The following ABR variants were observed in gnomAD, a reference collection of about 807,000 sequenced individuals.
ABR encodes active breakpoint cluster region-related protein.
A neutral mutation model predicts 107.2 loss-of-function variants in ABR; 35 were observed. The observed-to-expected ratio is 0.33, with a 90% CI of 0.25 to 0.43. The LOEUF is 0.43. ABR is among the 20% of genes least tolerant of loss of function. ABR has a pLI of 1.00. For missense variants in ABR, 815 were observed against 1,115.2 expected, an observed-to-expected ratio of 0.73 and a Z score of 3.83; for synonymous variants, 498 against 462.0, an observed-to-expected ratio of 1.08 and a Z score of -1.00.
chr17:1,081,101 C>A (rs533557416), intron 5 of ABR, among the ~76,000 whole-genome samples: 16 of 152,204 alleles, frequency 1.1e-4, no homozygotes, highest in African/African-American at 3.9e-4. Flanking sequence ...AAGAGAAGAC[C>A]CCACACTCTC....
chr17:1,067,622 C>T (rs1042949116), intron 9 of ABR, among the ~76,000 whole-genome samples: 16 of 152,210 alleles, frequency 1.1e-4, no homozygotes, highest in Non-Finnish European at 1.9e-4. Flanking sequence ...GTTCAATATC[C>T]TTCAGGCTAG....
Position 1,175,747 on chromosome 17 carries a change from C to A in ABR, c.61+3920G>T, listed in dbSNP as rs374499954. Among the ~76,000 whole-genome samples, 4 of 152,182 alleles carry A rather than the reference C, an allele frequency of 2.6e-5. No homozygotes were observed. In the East Asian group the frequency reaches 7.7e-4, roughly 29 times the overall value. On this transcript the variant is annotated intron_variant, in intron 1 of 22. Transcript: ENST00000302538. ...ACCAAACCTGTGATGGAAGTGGGCACACTCCTCCTGTCAAAACCAGAAAGA... is the reference window on the plus strand; with the variant it reads ...ACCAAACCTGTGATGGAAGTGGGCAAACTCCTCCTGTCAAAACCAGAAAGA...
chr17:1,147,086 C>T (rs553680166), intron 1 of ABR, among the ~76,000 whole-genome samples: 1 of 152,392 alleles, frequency 6.6e-6, no homozygotes, highest in South Asian at 2.1e-4. Context: ...TGGGCAGGGC[C>T]AGGTGCTCAG....
chr17:1,216,918 C>T (rs544849356), intron 1 of ABR, among the ~76,000 whole-genome samples: 3 of 152,260 alleles, frequency 2.0e-5, no homozygotes, highest in African/African-American at 7.2e-5. Context: ...TGAGGACAGG[C>T]GTGGGGGGAT....
intron 10 of ABR, among the ~76,000 whole-genome samples, chr17:1,062,330 T>G (rs2034076300): frequency 6.7e-6 from 1 of 148,584 alleles, no homozygotes; most frequent in African/African-American, 2.5e-5. Context: ...TGTTGTTATG[T>G]GAACTGAGGG....
upstream of ABR, among the ~76,000 whole-genome samples, chr17:1,189,868 G>A (rs1431374432): frequency 1.3e-5 from 2 of 152,100 alleles, no homozygotes; most frequent in Non-Finnish European, 2.9e-5. Context: ...GTAACCCCAG[G>A]ACCTTGCACA....
intron 16 of ABR, among the ~76,000 whole-genome samples, chr17:1,030,415 G>A (rs1003325993): frequency 2.6e-5 from 4 of 152,238 alleles, no homozygotes; most frequent in African/African-American, 9.6e-5. Context: ...GGGAGGGGAT[G>A]AGTCCACGCT....
intron 1 of ABR, among the ~76,000 whole-genome samples, chr17:1,132,920 C>T (rs2151475113): frequency 6.6e-6 from 1 of 152,234 alleles, no homozygotes; most frequent in Non-Finnish European, 1.5e-5. Context: ...CATAGGTACT[C>T]ACAGAAACTC....
intron 16 of ABR, among the ~76,000 whole-genome samples, chr17:1,040,402 G>A (rs371055026): frequency 2.0e-5 from 3 of 152,180 alleles, no homozygotes; most frequent in African/African-American, 4.8e-5. Flanking sequence ...CCTTGTTTCC[G>A]ACCACACCAG....
chr17:1,072,715 G>C lies in ABR; in HGVS notation c.793C>G (p.Pro265Ala), dbSNP rs769587173. ...KHTPVDHPDY[P>A]LLQDALRISQ... ...ATGCGGAGGGCATCCTGCAGCAGCGGGTAGTCGGGGTGGTCCACAGGTGTG... is the reference window on the plus strand; with the variant it reads ...ATGCGGAGGGCATCCTGCAGCAGCGCGTAGTCGGGGTGGTCCACAGGTGTG... The change falls in exon 8 of 23, where the codon CCG becomes GCG. Residue 265 changes from proline (P) to alanine (A), a missense_variant. By Grantham distance (27) the Pro-to-Ala change is conservative (BLOSUM62 -1). Around this residue, in one of 5 missense-constraint regions of ABR, gnomAD observed 385 missense variants for 596.9 expected, o/e 0.64. Transcript: ENST00000302538. 1.9e-6 allele frequency: 3 copies of C among 1,613,814 alleles called. No individual in the cohort carries two copies. The highest frequency in any genetic ancestry group is 2.5e-6 in the Non-Finnish European group (3 of 1,179,898).
chr17:1,116,898 G>A (rs1443465930), intron 2 of ABR, among the ~76,000 whole-genome samples: 4 of 152,022 alleles, frequency 2.6e-5, no homozygotes, highest in African/African-American at 7.2e-5. Flanking sequence ...GCTGGGGGGC[G>A]GAGGCTGAAA....
chr17:1,055,951 G>A (rs977774135), intron 14 of ABR, 84 bp downstream of exon 14: 3 of 1,319,412 alleles, frequency 2.3e-6, no homozygotes, highest in African/African-American at 1.4e-5. Context: ...ATGTCTAAAG[G>A]CGTGCTGGCA....
chr17:1,152,251 C>G (rs1253204826), intron 1 of ABR, among the ~76,000 whole-genome samples: 2 of 149,508 alleles, frequency 1.3e-5, no homozygotes, highest in Admixed American at 1.3e-4. Context: ...CCACTGCGCT[C>G]CAGCCTGGGC....
rs1555606685 is a variant in ABR at position 1,153,634 on chromosome 17, ACGGGAGGGCTGGGGACCCAGGCACACCTG to A, written c.61+26004_61+26032del. On this transcript the variant is annotated intron_variant, in intron 1 of 22. Coordinates refer to ENST00000302538, the MANE Select transcript of ABR (RefSeq NM_021962.5). Reference sequence around the variant, plus strand: ...GAGGGCTGGGGGTCCAGGCACACCTACGGGAGGGCTGGGGACCCAGGCACACCTGCGGGAGGGCTGGGGGTCCAGGCACA... The same window carrying A: ...GAGGGCTGGGGGTCCAGGCACACCTACGGGAGGGCTGGGGGTCCAGGCACA... 1.7e-4 allele frequency among the ~76,000 whole-genome samples: 5 copies of A among 29,508 alleles called. 1 individual carries two copies. Among genetic ancestry groups the A allele is most frequent in the East Asian group, 5.0e-3 (2 of 404 alleles). The allele number at this position is 29,508 out of a possible 152,430, so 19.4% of individuals were successfully genotyped here.
At chr17:1,030,428 C>T (rs527891044) in intron 16 of ABR, among the ~76,000 whole-genome samples, 2 of 152,330 alleles carry the variant, frequency 1.3e-5, no homozygotes, top group Non-Finnish European at 1.5e-5. Context: ...TCCACGCTGC[C>T]GGGCACAGAC....
At chr17:1,058,720 T>C (rs776610093) in intron 11 of ABR, 25 bp downstream of exon 11, 1 of 1,612,710 alleles carries the variant, frequency 6.2e-7, no homozygotes, top group Non-Finnish European at 8.5e-7. Flanking sequence ...GGGGCTGTCT[T>C]GGTCCCACCC....
rs560853720 is a variant in ABR at position 1,203,137 on chromosome 17, CG to C, written c.838+25655del. 8.3e-4 allele frequency among the ~76,000 whole-genome samples: 127 copies of C among 152,264 alleles called. No individual in the cohort carries two copies. The Middle Eastern group carries it at 0.01, about 12-fold the overall frequency. On this transcript the variant is annotated intron_variant, in intron 1 of 22. Coordinates refer to the ABR transcript ENST00000574139. ...CCGACCTCAGGTGATCCGCCCGCCT[CG>C]GCCTCCCAGAGTGCTGGGATGACAG...
At position 1,010,893 on chromosome 17, in the gene ABR, C is replaced by G; in HGVS notation, c.2102-30G>C. 6.2e-7 allele frequency: 1 copy of G among 1,611,430 alleles called. No homozygotes were observed. Among genetic ancestry groups the G allele is most frequent in the Non-Finnish European group, 8.5e-7 (1 of 1,179,726 alleles). ...AGGGGTGGGGCCGAGGTCAGGCAGC[C>G]TTAGCTGGGCCAGCAGCCCCGTTCC... On this transcript the variant is annotated intron_variant, in intron 19 of 22. Coordinates refer to ENST00000302538, the MANE Select transcript of ABR (RefSeq NM_021962.5). The surrounding 1 kb of genome is among the most constrained non-coding windows in gnomAD (Gnocchi z 4.1).
intron 16 of ABR, among the ~76,000 whole-genome samples, chr17:1,014,379 T>C (rs1197639531): frequency 7.2e-6 from 1 of 138,496 alleles, no homozygotes; most frequent in Non-Finnish European, 1.6e-5. Flanking sequence ...AGGCAGAGCT[T>C]GCAGTGAGCC....
Sources: allele counts gnomAD v4.1 joint callset (sites outside exome capture counted in the v4.1 genomes callset), GRCh38; gene constraint gnomAD v4.1.1; regional missense constraint gnomAD v4.1.1; non-coding constraint Gnocchi (gnomAD v3.1); transcripts MANE v1.5; gene names NCBI Gene and HGNC (gene_info 2026-07-23, HGNC 2026-07-21).